The following GRID2 variants were observed in gnomAD, a reference collection of about 807,000 sequenced individuals.
GRID2 encodes glutamate ionotropic receptor delta type subunit 2, also known as glutamate receptor ionotropic, delta-2.
A neutral mutation model predicts 114.8 loss-of-function variants in GRID2; 33 were observed. That is an observed-to-expected ratio of 0.29 (90% confidence interval 0.22 to 0.38). GRID2 has a LOEUF of 0.38. GRID2 is among the 10% of genes least tolerant of loss of function. The probability of loss-of-function intolerance (pLI) is 1.00; values close to 1 mark genes in which losing one functional copy is unlikely to be tolerated. For synonymous variants in GRID2, 505 were observed against 449.9 expected, an observed-to-expected ratio of 1.12 and a Z score of -1.55; for missense variants, 1,184 against 1,257.7, an observed-to-expected ratio of 0.94 and a Z score of 0.89.
chr4:92,952,052 GA>G lies in GRID2; in HGVS notation c.245-132936del, dbSNP rs753742452. On this transcript the variant is annotated intron_variant, in intron 2 of 15. Coordinates refer to ENST00000282020, the MANE Select transcript of GRID2 (RefSeq NM_001510.4). ...TCCCTTCACATATGTGCAAGTATAA[GA>G]AAAAAATAAAATCTCAAAAGTTAAA... Among the ~76,000 whole-genome samples, 16 of 152,108 alleles carry G rather than the reference GA, an allele frequency of 1.1e-4. No homozygotes were observed. The South Asian group carries it at 3.3e-3, about 32-fold the overall frequency.
chr4:92,743,163 G>A (rs1014120296), intron 2 of GRID2, among the ~76,000 whole-genome samples: 2 of 152,098 alleles, frequency 1.3e-5, no homozygotes, highest in Non-Finnish European at 2.9e-5. Context: ...TGTAGTCCCA[G>A]CTGTTAGGGA....
At chr4:93,144,691 G>C (rs538635712) in intron 4 of GRID2, among the ~76,000 whole-genome samples, 1 of 152,200 alleles carries the variant, frequency 6.6e-6, no homozygotes, top group Non-Finnish European at 1.5e-5. Flanking sequence ...AATCAGGTCA[G>C]AACCAGGGTT....
At chr4:93,699,738 A>C (rs917844099) in intron 14 of GRID2, among the ~76,000 whole-genome samples, 6 of 152,106 alleles carry the variant, frequency 3.9e-5, no homozygotes, top group Non-Finnish European at 7.4e-5. Flanking sequence ...GAACTGAAGA[A>C]GGCTTTTATG....
At chr4:92,448,270 G>A (rs538668370) in intron 1 of GRID2, among the ~76,000 whole-genome samples, 2 of 152,124 alleles carry the variant, frequency 1.3e-5, no homozygotes, top group Admixed American at 6.5e-5. Context: ...TACCTCTCGG[G>A]TTCAAGTGAT....
At chr4:93,741,175 A>ATATATATATATATATATATATATG (rs1731352453) in intron 14 of GRID2, among the ~76,000 whole-genome samples, 1 of 15,628 alleles carries the variant, frequency 6.4e-5, no homozygotes, top group African/African-American at 3.9e-4. Context: ...ATATATATAC[A>ATATATATATATATATATATATATG]TATATATATA....
At chr4:92,672,882 T>C (rs772566757) in intron 2 of GRID2, among the ~76,000 whole-genome samples, 3 of 152,250 alleles carry the variant, frequency 2.0e-5, no homozygotes, top group Non-Finnish European at 4.4e-5. Flanking sequence ...ATATTAACTA[T>C]AGTCATCCTA....
chr4:92,619,496 G>C (rs1052591500), intron 2 of GRID2, among the ~76,000 whole-genome samples: 4 of 151,586 alleles, frequency 2.6e-5, no homozygotes, highest in African/African-American at 9.7e-5. Context: ...TGCAACCTCA[G>C]GTTTGTTGAG....
At chr4:93,678,110 T>C (rs2110082203) in intron 14 of GRID2, among the ~76,000 whole-genome samples, 1 of 152,084 alleles carries the variant, frequency 6.6e-6, no homozygotes, top group East Asian at 1.9e-4. Flanking sequence ...AAGCCAAGGC[T>C]CGAGAACTGC....
chr4:93,035,263 G>A (rs948996579), intron 2 of GRID2, among the ~76,000 whole-genome samples: 5 of 151,876 alleles, frequency 3.3e-5, no homozygotes, highest in South Asian at 2.1e-4. Flanking sequence ...GCACTACCAC[G>A]AGCATGCCTG....
chr4:93,506,047 A>G (rs1560692539), intron 12 of GRID2, among the ~76,000 whole-genome samples: 1 of 152,136 alleles, frequency 6.6e-6, no homozygotes, highest in African/African-American at 2.4e-5. Context: ...ATTCTCTAAA[A>G]TGGCCTGCCG....
At chr4:93,259,668 A>G (rs893284076) in intron 8 of GRID2, among the ~76,000 whole-genome samples, 1 of 151,964 alleles carries the variant, frequency 6.6e-6, no homozygotes, top group East Asian at 1.9e-4. Context: ...ATTTTACCCC[A>G]TATTTCACAA....
chr4:93,211,609 T>C (rs545182797), intron 5 of GRID2, among the ~76,000 whole-genome samples: 2 of 152,280 alleles, frequency 1.3e-5, no homozygotes, highest in African/African-American at 2.4e-5. Flanking sequence ...AATTGTCTAA[T>C]AAAACTTCAC....
At chr4:92,640,001 G>A (rs1387166365) in intron 2 of GRID2, among the ~76,000 whole-genome samples, 1 of 151,682 alleles carries the variant, frequency 6.6e-6, no homozygotes, top group Non-Finnish European at 1.5e-5. Flanking sequence ...CGGCTGAAAT[G>A]CCATAAAACA....
intron 1 of GRID2, among the ~76,000 whole-genome samples, chr4:92,573,471 A>G (rs1727729299): frequency 6.6e-6 from 1 of 152,004 alleles, no homozygotes; most frequent in Admixed American, 6.6e-5. Context: ...TTCCCTCTTG[A>G]CACTGCTTTA....
intron 2 of GRID2, among the ~76,000 whole-genome samples, chr4:92,967,638 T>C (rs953636806): frequency 2.0e-5 from 3 of 152,020 alleles, no homozygotes; most frequent in African/African-American, 7.2e-5. Context: ...AGTTCTAATA[T>C]AAATTCAAAT....
chr4:93,568,965 G>A (rs1353146342), intron 13 of GRID2, among the ~76,000 whole-genome samples: 1 of 152,088 alleles, frequency 6.6e-6, no homozygotes, highest in East Asian at 1.9e-4. Flanking sequence ...TCCAACACCT[G>A]TACCTGTGAT....
chr4:93,106,562 A>G (rs1453548059), intron 3 of GRID2, among the ~76,000 whole-genome samples: 2 of 152,078 alleles, frequency 1.3e-5, no homozygotes, highest in South Asian at 2.1e-4. Context: ...ACCTCAGGCA[A>G]TCCACCTGCC....
intron 14 of GRID2, among the ~76,000 whole-genome samples, chr4:93,690,581 G>A (rs1311863944): frequency 1.3e-5 from 2 of 151,772 alleles, no homozygotes; most frequent in Non-Finnish European, 2.9e-5. Context: ...GTATATTCTT[G>A]AGGAAAATAG....
chr4:93,360,479 T>C (rs1432492353), intron 8 of GRID2, among the ~76,000 whole-genome samples: 1 of 152,050 alleles, frequency 6.6e-6, no homozygotes, highest in Non-Finnish European at 1.5e-5. Flanking sequence ...TTCTATTTTC[T>C]AAATATGTGA....
Sources: gnomAD v4.1 joint callset for allele counts (sites outside exome capture counted in the v4.1 genomes callset) on GRCh38, gnomAD v4.1.1 for gene constraint, MANE v1.5 for transcripts, NCBI Gene and HGNC (gene_info 2026-07-23, HGNC 2026-07-21) for gene names.